LPIN1: variants seen among roughly 807,000 people sequenced by gnomAD.
LPIN1 encodes lipin 1.
LPIN1 carries 71 observed loss-of-function variants against 107.5 expected under a neutral mutation model. The observed-to-expected ratio is 0.66, with a 90% confidence interval of 0.55 to 0.80. LPIN1 has a LOEUF of 0.80. LPIN1 is among the 30% of genes least tolerant of loss of function. The pLI is 0.00. For synonymous variants in LPIN1, 445 were observed against 452.6 expected (o/e 0.98, Z 0.21); for missense variants, 1,043 against 1,160.6 (o/e 0.90, Z 1.47).
At chr2:11,684,859 T>A (rs142938229) in intron 1 of LPIN1, among the ~76,000 whole-genome samples, 53 of 152,272 alleles carry the variant, frequency 3.5e-4, no homozygotes, top group African/African-American at 1.3e-3. Flanking sequence ...TTTCACTCAT[T>A]TGCTTATTCT....
chr2:11,678,468 G>A (rs758679881), intron 1 of LPIN1, among the ~76,000 whole-genome samples: 18 of 152,178 alleles, frequency 1.2e-4, no homozygotes, highest in Admixed American at 3.3e-4. Context: ...CAAATGGTGC[G>A]TCGGGGACAC....
Position 11,786,069 on chromosome 2 carries a change from G to A in LPIN1, c.1549+993G>A, listed in dbSNP as rs1674523189. ...TGATATACATGAGCTGGTGGGGGTG[G>A]GGTGGCAGCACTGACAAGGCTGGGC... is the stretch of plus-strand genomic sequence containing the variant. On this transcript the variant is annotated intron_variant, in intron 10 of 20. Coordinates refer to ENST00000674199, the MANE Select transcript of LPIN1 (RefSeq NM_001349206.2). This position sits in a 1 kb window ranked among gnomAD's most constrained non-coding sequence, Gnocchi z 4.1. Among the ~76,000 whole-genome samples, 1 of 152,056 alleles carries A rather than the reference G, an allele frequency of 6.6e-6. No individual in the cohort carries two copies. Among genetic ancestry groups the A allele is most frequent in the Non-Finnish European group, 1.5e-5 (1 of 68,008 alleles).
chr2:11,778,617 T>A (rs1478010883), intron 6 of LPIN1, among the ~76,000 whole-genome samples: 1 of 152,224 alleles, frequency 6.6e-6, no homozygotes, highest in Non-Finnish European at 1.5e-5. Flanking sequence ...AAAGCTTTAT[T>A]TCCTGCTTTG....
chr2:11,756,012 C>A (rs113841986), intron 1 of LPIN1, among the ~76,000 whole-genome samples: 10,364 of 152,218 alleles, frequency 0.068, 511 homozygotes, highest in Middle Eastern at 0.15. Flanking sequence ...TAAGCCACCA[C>A]GCCTGGCCAC....
chr2:11,739,122 G>T (rs59408163), intron 1 of LPIN1, among the ~76,000 whole-genome samples: 16,217 of 152,110 alleles, frequency 0.11, 965 homozygotes, highest in Middle Eastern at 0.16. Context: ...AGAAAGCCTT[G>T]TGGCTCCTGC....
chr2:11,795,290 T>C lies in LPIN1; in HGVS notation c.1807-118T>C, dbSNP rs372912608. 89 of 824,334 alleles carry C rather than the reference T, an allele frequency of 1.1e-4. No homozygotes were observed. In the Middle Eastern group the frequency reaches 2.5e-3, roughly 23 times the overall value. The allele number at this position is 824,334 out of a possible 1,614,324, so 51.1% of individuals were successfully genotyped here. ...TGGGCGATCGCTAGGGTGGGCGTCA[T>C]TGGGGAATGGTCTATCTTTAGGGGT... On this transcript the variant is annotated intron_variant, in intron 13 of 20. Coordinates refer to ENST00000674199, the MANE Select transcript of LPIN1 (RefSeq NM_001349206.2).
intron 6 of LPIN1, 120 bp from the exon 7 acceptor site, chr2:11,779,399 C>T (rs763965090): frequency 1.8e-6 from 2 of 1,104,126 alleles, no homozygotes; most frequent in Non-Finnish European, 2.7e-6. Context: ...TGAGGCTCCG[C>T]TCAGAGCGAA....
chr2:11,729,535 T>C (rs1664988731), intron 1 of LPIN1, among the ~76,000 whole-genome samples: 1 of 152,226 alleles, frequency 6.6e-6, no homozygotes, highest in South Asian at 2.1e-4. Flanking sequence ...GTTCTGGCAC[T>C]TGTGTTGTAA....
At chr2:11,743,514 G>A (rs1324884643), upstream of LPIN1, among the ~76,000 whole-genome samples, 2 of 152,286 alleles carry the variant, frequency 1.3e-5, no homozygotes, top group Non-Finnish European at 2.9e-5. This position sits in a 1 kb window ranked among gnomAD's most constrained non-coding sequence, Gnocchi z 4.7. Flanking sequence ...GCGGCACCAG[G>A]TGGCCCCTGG....
intron 13 of LPIN1, 105 bp from the exon 14 acceptor site, chr2:11,795,303 T>A (rs1213919338): frequency 5.4e-6 from 5 of 927,264 alleles, no homozygotes; most frequent in Non-Finnish European, 8.8e-6. Context: ...GGGAATGGTC[T>A]ATCTTTAGGG....
intron 14 of LPIN1, among the ~76,000 whole-genome samples, chr2:11,798,764 A>G (rs965123913): frequency 7.3e-5 from 11 of 151,682 alleles, no homozygotes; most frequent in African/African-American, 2.7e-4. Context: ...TATTAGAGTC[A>G]TGCAGTTGAC....
chr2:11,805,359 C>A, intron 17 of LPIN1: 1 of 646,772 alleles, frequency 1.5e-6, no homozygotes, highest in Non-Finnish European at 2.8e-6. Flanking sequence ...GAATTCAATA[C>A]CAAGAAACAA....
At chr2:11,692,334 G>C (rs1215267404) in intron 1 of LPIN1, among the ~76,000 whole-genome samples, 2 of 151,888 alleles carry the variant, frequency 1.3e-5, no homozygotes, top group East Asian at 3.8e-4. Flanking sequence ...CATACTGGCT[G>C]TGTGGCTTCA....
At chr2:11,717,832 T>TCA (rs912932270) in intron 2 of LPIN1, among the ~76,000 whole-genome samples, 1 of 152,154 alleles carries the variant, frequency 6.6e-6, no homozygotes, top group African/African-American at 2.4e-5. Context: ...TTGCTCAAGG[T>TCA]CACACAGCTA....
Position 11,786,995 on chromosome 2 carries a change from G to A in LPIN1, c.1550-79G>A. On this transcript the variant is annotated intron_variant, in intron 10 of 20. Transcript: ENST00000674199. This position sits in a 1 kb window ranked among gnomAD's most constrained non-coding sequence, Gnocchi z 4.1. ...AAACTCTCAGAAAACACTTGTGAGT[G>A]AGCAAATGAAAGGTAGGCCTAATTT... 1.1e-6 allele frequency: 1 copy of A among 917,806 alleles called. No homozygotes were observed. The highest frequency in any genetic ancestry group is 1.6e-5 in the African/African-American group (1 of 61,858). The allele number at this position is 917,806 out of a possible 1,614,324, so 56.9% of individuals were successfully genotyped here.
chr2:11,770,775 T>C (rs61594850), intron 3 of LPIN1, among the ~76,000 whole-genome samples: 4,337 of 152,254 alleles, frequency 0.028, 209 homozygotes, highest in African/African-American at 0.097. Context: ...GTTTTTTCCT[T>C]TTGTCTTTAA....
chr2:11,717,228 C>T lies in LPIN1; in HGVS notation c.138+3416C>T, dbSNP rs77398064. On this transcript the variant is annotated intron_variant, in intron 2 of 21. Transcript: ENST00000449576. ...CCTGTTCCTACCCAGTTAATTGATG[C>T]GTCTTTGCACATTGCCCTGTGGATT... 3.0e-3 allele frequency among the ~76,000 whole-genome samples: 460 copies of T among 152,262 alleles called. 2 individuals are homozygous for T. Among genetic ancestry groups the T allele is most frequent in the African/African-American group, 0.011 (438 of 41,546 alleles).
intron 1 of LPIN1, among the ~76,000 whole-genome samples, chr2:11,725,957 G>A (rs998747866): frequency 2.0e-5 from 3 of 152,180 alleles, no homozygotes; most frequent in East Asian, 1.9e-4. Flanking sequence ...AGGAGTTAAC[G>A]CACGGCAGAG....
At chr2:11,800,661 T>A (rs2577261) in intron 14 of LPIN1, among the ~76,000 whole-genome samples, 1 of 152,138 alleles carries the variant, frequency 6.6e-6, no homozygotes, top group African/African-American at 2.4e-5. Flanking sequence ...GTCAGAAAGC[T>A]GTAGGTTGCA....
Sources: gnomAD v4.1 joint callset for allele counts (sites outside exome capture counted in the v4.1 genomes callset) on GRCh38, gnomAD v4.1.1 for gene constraint, Gnocchi (gnomAD v3.1) non-coding constraint, MANE v1.5 for transcripts, NCBI Gene and HGNC (gene_info 2026-07-23, HGNC 2026-07-21) for gene names.